Variants in SCN11A observed in about 807,000 individuals in gnomAD.
SCN11A encodes the protein sodium voltage-gated channel alpha subunit 11.
Under a neutral mutation model 162.2 loss-of-function variants are expected in SCN11A, and 122 were observed. The ratio of observed to expected loss-of-function variants is 0.75; its 90% CI spans 0.65 to 0.87. SCN11A has a LOEUF of 0.87. Ranked by LOEUF, SCN11A falls within the 40% of genes least tolerant of loss-of-function variation. SCN11A has a pLI of 0.00. For missense variants in SCN11A, 2,015 were observed against 2,181.6 expected, an observed-to-expected ratio of 0.92 and a Z score of 1.52; for synonymous variants, 758 against 751.5, an observed-to-expected ratio of 1.01 and a Z score of -0.14.
rs752876686 is a variant in SCN11A at position 38,883,236 on chromosome 3, T to C, written c.3216A>G (p.Ala1072=). The change falls in exon 22 of 30, where the codon GCA becomes GCG. Residue 1072 remains alanine, a synonymous_variant. Transcript: ENST00000302328. ...IIFVILLSSG[A]LIFEDVHLEN... is the part of the protein sequence containing the mutation. The stretch of plus-strand genomic sequence containing the variant: ...CCACAAGACAATGATGATTTACCAG[T>C]GCCCCACTGCTCAGCAGAATCACAA... The C allele has an allele frequency of 2.5e-6, 4 of 1,612,304 alleles. No individual in the cohort carries two copies. The African/African-American group carries it at 5.3e-5, about 22-fold the overall frequency.
intron 17 of SCN11A, among the ~76,000 whole-genome samples, chr3:38,897,796 A>G (rs1259743492): frequency 1.3e-5 from 2 of 152,174 alleles, no homozygotes; most frequent in African/African-American, 4.8e-5. Context: ...TGACTGAGCT[A>G]CATAATTATT....
chr3:38,999,341 T>C (rs553489800), intron 2 of SCN11A, among the ~76,000 whole-genome samples: 13 of 152,268 alleles, frequency 8.5e-5, no homozygotes, highest in African/African-American at 3.1e-4. Flanking sequence ...AAAAACAAAA[T>C]TGTAAGGTGG....
intron 27 of SCN11A, among the ~76,000 whole-genome samples, chr3:38,863,537 A>G (rs1333687287): frequency 6.6e-6 from 1 of 152,168 alleles, no homozygotes; most frequent in Non-Finnish European, 1.5e-5. Context: ...TTAGAACAGA[A>G]AGGTTACAAA....
intron 7 of SCN11A, among the ~76,000 whole-genome samples, chr3:38,931,687 TC>T (rs1202234772): frequency 7.2e-5 from 11 of 152,170 alleles, no homozygotes; most frequent in Non-Finnish European, 1.6e-4. Context: ...GATGTTGTAT[TC>T]CCTAATAAGT....
intron 2 of SCN11A, among the ~76,000 whole-genome samples, chr3:39,019,198 C>T (rs772867444): frequency 5.3e-5 from 8 of 152,112 alleles, no homozygotes; most frequent in Non-Finnish European, 1.0e-4. Context: ...ATTATAGAAC[C>T]TAAGATTGGC....
intron 23 of SCN11A, among the ~76,000 whole-genome samples, chr3:38,875,701 A>G (rs1469470316): frequency 6.6e-6 from 1 of 152,214 alleles, no homozygotes; most frequent in Non-Finnish European, 1.5e-5. Context: ...CTGCTGAAAG[A>G]AATCATCAAT....
chr3:39,043,019 A>G (rs2125617259), intron 1 of SCN11A, among the ~76,000 whole-genome samples: 1 of 152,036 alleles, frequency 6.6e-6, no homozygotes, highest in African/African-American at 2.4e-5. Context: ...CTGACTAGAC[A>G]TTTCTCAAAA....
At chr3:38,936,374 A>G (rs1374740612) in intron 7 of SCN11A, among the ~76,000 whole-genome samples, 2 of 146,046 alleles carry the variant, frequency 1.4e-5, no homozygotes, top group Non-Finnish European at 3.0e-5. Flanking sequence ...GGCCAGGGCA[A>G]TTAGGCAGGA....
At chr3:38,888,049 A>C (rs1409170394) in intron 19 of SCN11A, among the ~76,000 whole-genome samples, 4 of 152,256 alleles carry the variant, frequency 2.6e-5, no homozygotes, top group Non-Finnish European at 5.9e-5. Context: ...ATGGTGTCTA[A>C]AAGTACCCTA....
chr3:38,990,324 C>T (rs2030412528), intron 2 of SCN11A, among the ~76,000 whole-genome samples: 1 of 152,170 alleles, frequency 6.6e-6, no homozygotes, highest in Non-Finnish European at 1.5e-5. Flanking sequence ...AGACCGAACA[C>T]AGACATGGAG....
intron 2 of SCN11A, among the ~76,000 whole-genome samples, chr3:39,029,494 T>C (rs1311145716): frequency 1.3e-5 from 2 of 152,256 alleles, no homozygotes; most frequent in African/African-American, 2.4e-5. Context: ...CTGTCATGTG[T>C]GTTCCAAACA....
At chr3:39,046,395 C>G (rs2125619098) in intron 1 of SCN11A, among the ~76,000 whole-genome samples, 1 of 152,156 alleles carries the variant, frequency 6.6e-6, no homozygotes, top group Non-Finnish European at 1.5e-5. Context: ...GGAAAGACAT[C>G]CATGTTCATA....
Position 39,032,523 on chromosome 3 carries a change from C to A in SCN11A, c.-403-20G>T, listed in dbSNP as rs866018085. ...GACAATCTGAAAACAACAACAACAA[C>A]AAAAAAAACAAGCTTTATCATTTCA... is the stretch of plus-strand genomic sequence containing the variant. On this transcript the variant is annotated intron_variant, in intron 1 of 29. Transcript: ENST00000302328. 5.7e-4 allele frequency among the ~76,000 whole-genome samples: 86 copies of A among 151,504 alleles called. No homozygotes were observed. Among genetic ancestry groups the A allele is most frequent in the Admixed American group, 3.1e-3 (48 of 15,248 alleles).
At chr3:38,872,318 T>C (rs773237203) in intron 23 of SCN11A, 24 bp from the exon 24 acceptor site, 1 of 1,262,482 alleles carries the variant, frequency 7.9e-7, no homozygotes, top group East Asian at 2.3e-5. Flanking sequence ...AGGCCACAGA[T>C]AATGTACCTG....
At chr3:38,851,156 T>C (rs1416333535) in intron 28 of SCN11A, among the ~76,000 whole-genome samples, 3 of 152,212 alleles carry the variant, frequency 2.0e-5, no homozygotes, top group Non-Finnish European at 4.4e-5. Context: ...TCAACAATAT[T>C]AGTGCAGAGA....
chr3:38,969,080 C>T (rs1036909270), intron 2 of SCN11A, among the ~76,000 whole-genome samples: 2 of 151,968 alleles, frequency 1.3e-5, no homozygotes, highest in Non-Finnish European at 2.9e-5. Context: ...CTTATTTGTG[C>T]AGGAGGGTGC....
At chr3:39,032,640 C>A (rs552657217) in intron 1 of SCN11A, among the ~76,000 whole-genome samples, 137 bp from the exon 2 acceptor site, 118 of 152,214 alleles carry the variant, frequency 7.8e-4, no homozygotes, top group Non-Finnish European at 1.3e-3. Flanking sequence ...AGTGATAGAG[C>A]CTGTATTACA....
intron 2 of SCN11A, among the ~76,000 whole-genome samples, chr3:38,968,606 G>GCA (rs535909930): frequency 6.6e-5 from 10 of 152,158 alleles, no homozygotes; most frequent in Non-Finnish European, 1.3e-4. Flanking sequence ...ACACACACGT[G>GCA]CACACACACA....
At position 38,847,646 on chromosome 3, in the gene SCN11A, C is replaced by T; in HGVS notation, c.4424G>A (p.Arg1475Lys). The change falls in exon 30 of 30, where the codon AGG (arginine) becomes AAG (lysine). Residue 1475 changes from arginine (R) to lysine (K), a missense_variant. Transcript: ENST00000302328. ...VRLARIGRIL[R>K]LVRAARGIRT... ...GATTCCTCGTGCAGCCCGGACAAGC[C>T]TCAGGATTCGGCCAATCCGAGCCAA... 1 of 1,614,120 alleles carries T rather than the reference C, an allele frequency of 6.2e-7. No homozygotes were observed. Among genetic ancestry groups the T allele is most frequent in the Non-Finnish European group, 8.5e-7 (1 of 1,179,986 alleles).
Sources: gnomAD v4.1 joint callset for allele counts (sites outside exome capture counted in the v4.1 genomes callset) on GRCh38, gnomAD v4.1.1 for gene constraint, MANE v1.5 for transcripts, NCBI Gene and HGNC (gene_info 2026-07-23, HGNC 2026-07-21) for gene names.